Variants in COMMD10 observed in about 807,000 individuals in gnomAD.
The protein encoded by COMMD10 is COMM domain containing 10, also known as COMM domain-containing protein 10.
Under a neutral mutation model 28.9 loss-of-function variants are expected in COMMD10, and 33 were observed. The ratio of observed to expected loss-of-function variants is 1.14; its 90% CI spans 0.87 to 1.53. The LOEUF is 1.53. COMMD10 is among the 40% of genes most tolerant of loss of function. The pLI is 0.00. For missense variants in COMMD10, 310 were observed against 233.4 expected, an observed-to-expected ratio of 1.33 and a Z score of -2.14; for synonymous variants, 110 against 81.7, an observed-to-expected ratio of 1.35 and a Z score of -1.87.
chr5:116,207,098 T>A (rs896061610), intron 5 of COMMD10, among the ~76,000 whole-genome samples: 1 of 152,254 alleles, frequency 6.6e-6, no homozygotes, highest in African/African-American at 2.4e-5. Context: ...ACTGAGTTAT[T>A]TGAATCTGGC....
At chr5:116,191,948 A>G (rs1331682344) in intron 5 of COMMD10, among the ~76,000 whole-genome samples, 1 of 146,078 alleles carries the variant, frequency 6.8e-6, no homozygotes, top group Non-Finnish European at 1.5e-5. Context: ...GCTGGTATCT[A>G]CGGAGAAGAG....
At chr5:116,122,601 T>C (rs1283012319) in intron 4 of COMMD10, among the ~76,000 whole-genome samples, 3 of 152,228 alleles carry the variant, frequency 2.0e-5, no homozygotes, top group African/African-American at 7.2e-5. Context: ...TATTGATTTT[T>C]CCTATCCATG....
intron 5 of COMMD10, among the ~76,000 whole-genome samples, chr5:116,213,422 A>G (rs1286415356): frequency 6.6e-6 from 1 of 152,144 alleles, no homozygotes; most frequent in Non-Finnish European, 1.5e-5. Context: ...GGTCATGGTA[A>G]AAATAATCAC....
intron 5 of COMMD10, among the ~76,000 whole-genome samples, chr5:116,289,412 A>G (rs572381153): frequency 6.6e-6 from 1 of 151,774 alleles, no homozygotes; most frequent in African/African-American, 2.4e-5. Flanking sequence ...GACCTTCACT[A>G]ATACCCCAGC....
At chr5:116,126,097 A>G (rs1751626092) in intron 4 of COMMD10, among the ~76,000 whole-genome samples, 1 of 152,220 alleles carries the variant, frequency 6.6e-6, no homozygotes, top group South Asian at 2.1e-4. Flanking sequence ...ATACAAAATC[A>G]GTGTGCAAAA....
At chr5:116,278,049 T>C (rs989730541) in intron 5 of COMMD10, among the ~76,000 whole-genome samples, 4 of 151,710 alleles carry the variant, frequency 2.6e-5, no homozygotes, top group African/African-American at 4.9e-5. Context: ...TTACCCAGAA[T>C]CCCTCAGCCA....
At chr5:116,166,535 G>A (rs1179231967) in intron 5 of COMMD10, among the ~76,000 whole-genome samples, 1 of 152,216 alleles carries the variant, frequency 6.6e-6, no homozygotes, top group Non-Finnish European at 1.5e-5. Context: ...CGGCCCCCGT[G>A]CCTCCTGATG....
At chr5:116,125,246 C>G (rs963263545) in intron 4 of COMMD10, among the ~76,000 whole-genome samples, 1 of 152,070 alleles carries the variant, frequency 6.6e-6, no homozygotes, top group African/African-American at 2.4e-5. Flanking sequence ...TAAGGCAGGC[C>G]TGGTAGTGAC....
intron 5 of COMMD10, among the ~76,000 whole-genome samples, chr5:116,161,325 A>C (rs1567333): frequency 0.1 from 15,199 of 152,032 alleles, 1,621 homozygotes; most frequent in African/African-American, 0.27. Flanking sequence ...TGGATATATA[A>C]TGGTTTAGTG....
At chr5:116,200,727 A>G (rs545560554) in intron 5 of COMMD10, among the ~76,000 whole-genome samples, 1 of 151,826 alleles carries the variant, frequency 6.6e-6, no homozygotes. Context: ...TTTCTGTTAC[A>G]GTGGTTTTTT....
chr5:116,221,438 G>A (rs181830448), intron 5 of COMMD10, among the ~76,000 whole-genome samples: 261 of 152,142 alleles, frequency 1.7e-3, no homozygotes, highest in African/African-American at 5.9e-3. Flanking sequence ...TAGATCAGGC[G>A]TACAAATTTG....
intron 5 of COMMD10, among the ~76,000 whole-genome samples, chr5:116,222,682 CTA>C (rs1288481545): frequency 1.3e-5 from 2 of 152,080 alleles, no homozygotes; most frequent in South Asian, 4.2e-4. Context: ...AACATTTAGC[CTA>C]TTTATTTATT....
chr5:116,220,886 G>A (rs1427296271), intron 5 of COMMD10, among the ~76,000 whole-genome samples: 1 of 152,052 alleles, frequency 6.6e-6, no homozygotes, highest in Non-Finnish European at 1.5e-5. Flanking sequence ...AAGGGATGGG[G>A]AGAAACAAAA....
chr5:116,202,369 A>G (rs1309356643), intron 5 of COMMD10, among the ~76,000 whole-genome samples: 4 of 151,946 alleles, frequency 2.6e-5, no homozygotes, highest in Non-Finnish European at 5.9e-5. Flanking sequence ...TCTTTATAGC[A>G]GCATGATTTA....
intron 5 of COMMD10, among the ~76,000 whole-genome samples, chr5:116,154,522 G>T (rs1752642818): frequency 6.6e-6 from 1 of 152,066 alleles, no homozygotes; most frequent in Non-Finnish European, 1.5e-5. Context: ...TTCATTTTCA[G>T]TACTCCTTTT....
chr5:116,184,314 CTTT>C (rs35164348), intron 5 of COMMD10, among the ~76,000 whole-genome samples: 102 of 144,506 alleles, frequency 7.1e-4, no homozygotes, highest in African/African-American at 1.1e-3. Flanking sequence ...TATATCTGAC[CTTT>C]TTTTTTTTTT....
intron 5 of COMMD10, among the ~76,000 whole-genome samples, chr5:116,215,789 T>G (rs1749084861): frequency 6.7e-6 from 1 of 149,500 alleles, no homozygotes; most frequent in Admixed American, 6.7e-5. Context: ...CATTTTCTCC[T>G]CTTCTCATTT....
intron 4 of COMMD10, among the ~76,000 whole-genome samples, chr5:116,109,871 T>G (rs1224724269): frequency 2.0e-5 from 3 of 152,236 alleles, no homozygotes; most frequent in African/African-American, 7.2e-5. Context: ...CTTTTATCTC[T>G]TGCCTGATGG....
chr5:116,281,251 CAG>C (rs886264012), intron 5 of COMMD10, among the ~76,000 whole-genome samples: 4 of 151,568 alleles, frequency 2.6e-5, no homozygotes, highest in South Asian at 4.1e-4. Flanking sequence ...AATGGGAAAA[CAG>C]AGGGTATTTT....
Sources: allele counts gnomAD v4.1 joint callset (sites outside exome capture counted in the v4.1 genomes callset), GRCh38; gene constraint gnomAD v4.1.1; transcripts MANE v1.5; gene names NCBI Gene and HGNC (gene_info 2026-07-23, HGNC 2026-07-21).